CYP19A1: variants seen among roughly 807,000 people sequenced by gnomAD.
CYP19A1 encodes the protein cytochrome P450 family 19 subfamily A member 1, also known as aromatase.
In CYP19A1, 32 loss-of-function variants were observed where a neutral mutation model predicts 44.4. That is an observed-to-expected ratio of 0.72 (90% CI 0.54 to 0.97). The LOEUF (loss-of-function observed/expected upper bound fraction) is 0.97, where lower values mean the gene tolerates loss of function less well. CYP19A1 is among the 50% of genes least tolerant of loss of function. CYP19A1 has a pLI of 0.00. For missense variants in CYP19A1, 598 were observed against 637.8 expected, an observed-to-expected ratio of 0.94 and a Z score of 0.67; for synonymous variants, 212 against 215.6, an observed-to-expected ratio of 0.98 and a Z score of 0.14.
At chr15:51,334,772 C>T (rs747639174) in intron 1 of CYP19A1, among the ~76,000 whole-genome samples, 4 of 152,176 alleles carry the variant, frequency 2.6e-5, no homozygotes, top group Non-Finnish European at 5.9e-5. Flanking sequence ...CCTGAGGGTC[C>T]CCCTTCAAGA....
chr15:51,210,729 A>T lies in CYP19A1; in HGVS notation c.*79T>A, dbSNP rs2141029449. 1.1e-6 allele frequency: 1 copy of T among 938,938 alleles called. No homozygotes were observed. Among genetic ancestry groups the T allele is most frequent in the Non-Finnish European group, 1.8e-6 (1 of 563,358 alleles). 58.2% of individuals were successfully genotyped at this position (938,938 alleles called of 1,614,324 possible). A position where few individuals can be genotyped will look rare whatever the true frequency, so the allele number is the denominator to read the frequency against. On this transcript the variant is annotated 3_prime_UTR_variant, in exon 10 of 10. Coordinates refer to ENST00000396402, the MANE Select transcript of CYP19A1 (RefSeq NM_000103.4). ...CCACTGAGTGTTCACTGTGAGGATGACACTATTGGCAAGGATGGATGATTT... is the reference window on the plus strand; with the variant it reads ...CCACTGAGTGTTCACTGTGAGGATGTCACTATTGGCAAGGATGGATGATTT...
At chr15:51,302,133 CT>C (rs1289221484) in intron 1 of CYP19A1, among the ~76,000 whole-genome samples, 1 of 152,082 alleles carries the variant, frequency 6.6e-6, no homozygotes, top group South Asian at 2.1e-4. Flanking sequence ...CACATTCAGT[CT>C]TTTTTTTCAC....
At chr15:51,303,801 A>G (rs563409375) in intron 1 of CYP19A1, among the ~76,000 whole-genome samples, 12 of 152,342 alleles carry the variant, frequency 7.9e-5, no homozygotes, top group African/African-American at 2.4e-4. Flanking sequence ...CTGACAACCA[A>G]TTCACCTTTG....
intron 3 of CYP19A1, among the ~76,000 whole-genome samples, chr15:51,231,251 TACAG>T (rs972771537): frequency 1.8e-4 from 27 of 152,114 alleles, no homozygotes; most frequent in African/African-American, 6.5e-4. Flanking sequence ...TTATAAGAAA[TACAG>T]AGAATAGATG....
At chr15:51,310,020 C>T (rs906646982) in intron 1 of CYP19A1, among the ~76,000 whole-genome samples, 2 of 152,154 alleles carry the variant, frequency 1.3e-5, no homozygotes, top group African/African-American at 4.8e-5. Flanking sequence ...CTCCTGGGAC[C>T]TGCCACCACC....
At chr15:51,286,111 C>T (rs1305652721) in intron 1 of CYP19A1, among the ~76,000 whole-genome samples, 5 of 152,212 alleles carry the variant, frequency 3.3e-5, no homozygotes, top group Non-Finnish European at 4.4e-5. Flanking sequence ...TTTGCCCTCT[C>T]ACCCGCAATG....
At chr15:51,267,377 T>C (rs2034960323) in intron 1 of CYP19A1, among the ~76,000 whole-genome samples, 1 of 152,140 alleles carries the variant, frequency 6.6e-6, no homozygotes, top group South Asian at 2.1e-4. Flanking sequence ...TTTCCCTTTC[T>C]CCCGTGGTCT....
intron 1 of CYP19A1, among the ~76,000 whole-genome samples, chr15:51,329,606 G>T (rs1032742049): frequency 2.0e-5 from 3 of 152,204 alleles, no homozygotes; most frequent in Non-Finnish European, 4.4e-5. Context: ...GTTTCCCAGT[G>T]GAGAACCATC....
chr15:51,263,830 T>A (rs1467738659), intron 1 of CYP19A1, among the ~76,000 whole-genome samples: 1 of 152,204 alleles, frequency 6.6e-6, no homozygotes, highest in Non-Finnish European at 1.5e-5. Flanking sequence ...AGGGAGCTTC[T>A]AGAAAAGCAC....
intron 1 of CYP19A1, among the ~76,000 whole-genome samples, chr15:51,274,598 T>A (rs997912839): frequency 6.6e-6 from 1 of 152,160 alleles, no homozygotes; most frequent in African/African-American, 2.4e-5. Context: ...AGCCACAGTG[T>A]TTCTAGCCAA....
At chr15:51,248,116 G>A (rs2034147272) in intron 1 of CYP19A1, among the ~76,000 whole-genome samples, 1 of 152,114 alleles carries the variant, frequency 6.6e-6, no homozygotes, top group South Asian at 2.1e-4. Context: ...AATTCCTGGT[G>A]GACCCTCAAT....
At chr15:51,232,992 A>T (rs1267055952) in intron 3 of CYP19A1, among the ~76,000 whole-genome samples, 1 of 152,162 alleles carries the variant, frequency 6.6e-6, no homozygotes. Flanking sequence ...CATCTCCTGT[A>T]TTCTTCCACT....
chr15:51,237,594 G>T (rs2033487481), intron 2 of CYP19A1, among the ~76,000 whole-genome samples: 2 of 152,172 alleles, frequency 1.3e-5, no homozygotes, highest in East Asian at 1.9e-4. Context: ...TTAAGAAAAG[G>T]CTCTTAAGCT....
intron 1 of CYP19A1, among the ~76,000 whole-genome samples, chr15:51,266,670 C>T (rs1349369332): frequency 2.0e-5 from 3 of 152,192 alleles, no homozygotes; most frequent in Non-Finnish European, 4.4e-5. Context: ...CTGCTCTTGC[C>T]CTTTTAGTAT....
At chr15:51,241,233 G>A (rs1196313439) in intron 2 of CYP19A1, among the ~76,000 whole-genome samples, 1 of 152,186 alleles carries the variant, frequency 6.6e-6, no homozygotes, top group Admixed American at 6.5e-5. Context: ...TTGGTCAAGG[G>A]TCCAAGGAAA....
intron 1 of CYP19A1, among the ~76,000 whole-genome samples, chr15:51,332,353 A>G (rs770790248): frequency 1.3e-5 from 2 of 151,116 alleles, no homozygotes; most frequent in Non-Finnish European, 3.0e-5. Flanking sequence ...TTCACTTCCC[A>G]CTCTCACACA....
intron 1 of CYP19A1, among the ~76,000 whole-genome samples, chr15:51,273,140 A>G (rs1347930588): frequency 2.0e-5 from 3 of 152,062 alleles, no homozygotes; most frequent in Non-Finnish European, 4.4e-5. Context: ...TTGTAGAGAC[A>G]GGGTTTCACC....
intron 1 of CYP19A1, among the ~76,000 whole-genome samples, chr15:51,316,966 T>C (rs930284788): frequency 1.3e-5 from 2 of 152,154 alleles, no homozygotes; most frequent in Non-Finnish European, 2.9e-5. Flanking sequence ...GGCAGCCATA[T>C]GGGACTATGA....
chr15:51,319,392 C>T (rs1298288801), intron 1 of CYP19A1, among the ~76,000 whole-genome samples: 1 of 152,186 alleles, frequency 6.6e-6, no homozygotes, highest in Non-Finnish European at 1.5e-5. Flanking sequence ...AAATTTATGA[C>T]AAAGTTTTCT....
Sources: gnomAD v4.1 joint callset for allele counts (sites outside exome capture counted in the v4.1 genomes callset) on GRCh38, gnomAD v4.1.1 for gene constraint, MANE v1.5 for transcripts, NCBI Gene and HGNC (gene_info 2026-07-23, HGNC 2026-07-21) for gene names.